The following LIMA1 variants were observed in gnomAD, a reference collection of about 807,000 sequenced individuals.
LIMA1 encodes LIM domain and actin binding 1.
A neutral mutation model predicts 62.6 loss-of-function variants in LIMA1; 52 were observed. The observed-to-expected ratio is 0.83, with a 90% CI of 0.67 to 1.05. The LOEUF (loss-of-function observed/expected upper bound fraction) is 1.05. Among genes scored for constraint, LIMA1 ranks in the 50% least tolerant of loss-of-function variants. LIMA1 has a pLI of 0.00. For missense variants in LIMA1, 780 were observed against 902.2 expected, an observed-to-expected ratio of 0.86 and a Z score of 1.74; for synonymous variants, 302 against 317.8, an observed-to-expected ratio of 0.95 and a Z score of 0.53.
At chr12:50,225,777 C>G (rs1941518709) in intron 3 of LIMA1, among the ~76,000 whole-genome samples, 1 of 152,158 alleles carries the variant, frequency 6.6e-6, no homozygotes, top group African/African-American at 2.4e-5. Flanking sequence ...GTCCTGACCT[C>G]AGGTGATCTA....
intron 4 of LIMA1, chr12:50,217,707 G>A (rs965050469): frequency 1.1e-5 from 3 of 279,262 alleles, no homozygotes; most frequent in South Asian, 3.9e-5. Context: ...GGTCTACAGT[G>A]GGGGGAAGGT....
chr12:50,215,571 G>T (rs1040833011), intron 4 of LIMA1, among the ~76,000 whole-genome samples: 1 of 152,048 alleles, frequency 6.6e-6, no homozygotes, highest in African/African-American at 2.4e-5. Flanking sequence ...CCGGGTTCAC[G>T]CCATTCTCCT....
At chr12:50,180,533 C>A (rs1940475581) in intron 10 of LIMA1, among the ~76,000 whole-genome samples, 1 of 152,032 alleles carries the variant, frequency 6.6e-6, no homozygotes, top group Non-Finnish European at 1.5e-5. Context: ...GAACTTCTGG[C>A]ATCAAGTGAT....
chr12:50,281,625 C>T (rs1368771701), intron 1 of LIMA1, among the ~76,000 whole-genome samples: 4 of 152,166 alleles, frequency 2.6e-5, no homozygotes, highest in Non-Finnish European at 5.9e-5. Flanking sequence ...CAATACAGAA[C>T]AGTGGAAACA....
At chr12:50,258,485 C>CA (rs769865074) in intron 1 of LIMA1, among the ~76,000 whole-genome samples, 1 of 151,766 alleles carries the variant, frequency 6.6e-6, no homozygotes, top group Non-Finnish European at 1.5e-5. Context: ...TTTGTAGAGA[C>CA]AGAGTCTCCC....
intron 4 of LIMA1, among the ~76,000 whole-genome samples, chr12:50,212,835 G>A (rs1941281273): frequency 6.6e-6 from 1 of 151,586 alleles, no homozygotes; most frequent in Non-Finnish European, 1.5e-5. Context: ...TTTTTTTTGA[G>A]ACAAAGTCTT....
intron 3 of LIMA1, among the ~76,000 whole-genome samples, chr12:50,227,960 T>C (rs1182333923): frequency 2.6e-5 from 4 of 151,292 alleles, no homozygotes; most frequent in African/African-American, 2.4e-5. Flanking sequence ...CCTGGGTTCA[T>C]GCCATTCTCC....
chr12:50,261,040 A>ATTTTTTTTTTTTT (rs1394809506), intron 1 of LIMA1, among the ~76,000 whole-genome samples: 4 of 48,896 alleles, frequency 8.2e-5, no homozygotes, highest in African/African-American at 1.0e-4. Context: ...GCCATCTAGT[A>ATTTTTTTTTTTTT]TATTTTTTTT....
At position 50,192,521 on chromosome 12, in the gene LIMA1, A is replaced by T; in HGVS notation, c.1071T>A (p.His357Gln). 1 of 1,614,084 alleles carries T rather than the reference A, an allele frequency of 6.2e-7. No individual in the cohort carries two copies. Among genetic ancestry groups the T allele is most frequent in the Non-Finnish European group, 8.5e-7 (1 of 1,179,970 alleles). ...QVKSEVQQPVHPKPLSPDSRA... is the reference protein window; with the variant it reads ...QVKSEVQQPVQPKPLSPDSRA... ...TGGAATCTGGACTTAGTGGCTTGGG[A>T]TGGACAGGCTGTTGAACCTCACTCT... Residue 357 changes from histidine to glutamine, a missense_variant, in exon 9 of 11, where the codon CAT becomes CAA. By Grantham distance (24) the His-to-Gln change is conservative. Coordinates refer to ENST00000341247, the MANE Select transcript of LIMA1 (RefSeq NM_016357.5).
At chr12:50,185,580 T>C in intron 9 of LIMA1, 1 of 430,248 alleles carries the variant, frequency 2.3e-6, no homozygotes, top group Non-Finnish European at 4.7e-6. Context: ...TTTTTCCTTT[T>C]TAAGTAACTC....
intron 3 of LIMA1, among the ~76,000 whole-genome samples, chr12:50,226,579 A>G (rs565336824): frequency 1.3e-5 from 2 of 152,250 alleles, no homozygotes; most frequent in Admixed American, 6.5e-5. Context: ...AGTGGCTCAC[A>G]CCTGTAGTCC....
At chr12:50,277,468 A>T (rs1283930443) in intron 1 of LIMA1, among the ~76,000 whole-genome samples, 1 of 152,130 alleles carries the variant, frequency 6.6e-6, no homozygotes, top group Non-Finnish European at 1.5e-5. Flanking sequence ...AGTAGCTCCA[A>T]AGGCATCCTT....
intron 3 of LIMA1, among the ~76,000 whole-genome samples, chr12:50,225,771 T>C (rs780698076): frequency 1.1e-4 from 16 of 151,986 alleles, no homozygotes; most frequent in Non-Finnish European, 2.2e-4. Flanking sequence ...AGGCTGGTCC[T>C]GACCTCAGGT....
At chr12:50,193,486 G>GTATA (rs1213207204) in intron 8 of LIMA1, among the ~76,000 whole-genome samples, 82 of 128,698 alleles carry the variant, frequency 6.4e-4, no homozygotes, top group African/African-American at 2.3e-3. Context: ...TATATATATA[G>GTATA]TATATATATA....
intron 3 of LIMA1, among the ~76,000 whole-genome samples, chr12:50,228,746 CAT>C (rs1941567834): frequency 6.6e-6 from 1 of 152,206 alleles, no homozygotes; most frequent in Non-Finnish European, 1.5e-5. Context: ...CTTAATAAAA[CAT>C]GTTACAGTTT....
chr12:50,260,317 T>G (rs1011449510), intron 1 of LIMA1, among the ~76,000 whole-genome samples: 1 of 152,064 alleles, frequency 6.6e-6, no homozygotes, highest in Non-Finnish European at 1.5e-5. Context: ...CCGGCTAAGT[T>G]TTTGTATTTT....
chr12:50,263,124 G>T (rs1033537488), intron 1 of LIMA1, among the ~76,000 whole-genome samples: 29 of 152,152 alleles, frequency 1.9e-4, no homozygotes, highest in African/African-American at 6.8e-4. Flanking sequence ...ATAAAATTGA[G>T]TTATTCTCAT....
chr12:50,236,970 G>A (rs1013612149), intron 2 of LIMA1, among the ~76,000 whole-genome samples: 4 of 152,098 alleles, frequency 2.6e-5, no homozygotes, highest in Admixed American at 1.3e-4. Context: ...TGAGGGTATG[G>A]GGAAACAGGT....
In LIMA1 at chr12:50,261,042, A is replaced by ATTTTTTTTTTTT. The variant is rs71083524; in HGVS notation, c.-23-12280_-23-12269dup. ...CTTTTGCTTTTCTGCCATCTAGTAT[A>ATTTTTTTTTTTT]TTTTTTTTTTTTTTTTTTTTTTTTT... On this transcript the variant is annotated intron_variant, in intron 1 of 10. Transcript: ENST00000341247. 2.5e-3 allele frequency among the ~76,000 whole-genome samples: 134 copies of ATTTTTTTTTTTT among 54,272 alleles called. 25 individuals carry two copies. The highest frequency in any genetic ancestry group is 0.013 in the East Asian group (11 of 874). 35.6% of individuals were successfully genotyped at this position (54,272 alleles called of 152,430 possible). A position where few individuals can be genotyped will look rare whatever the true frequency, so the allele number is the denominator to read the frequency against.
Sources: gnomAD v4.1 joint callset for allele counts (sites outside exome capture counted in the v4.1 genomes callset) on GRCh38, gnomAD v4.1.1 for gene constraint, MANE v1.5 for transcripts, NCBI Gene and HGNC (gene_info 2026-07-23, HGNC 2026-07-21) for gene names.